ZNF507: variants seen among roughly 807,000 people sequenced by gnomAD.
The protein encoded by ZNF507 is zinc finger protein 507.
Under a neutral mutation model 80.0 loss-of-function variants are expected in ZNF507, and 29 were observed. That is an observed-to-expected ratio of 0.36 (90% confidence interval 0.27 to 0.49). The LOEUF (loss-of-function observed/expected upper bound fraction) is 0.49, where lower values mean the gene tolerates loss of function less well. Among genes scored for constraint, ZNF507 ranks in the 20% least tolerant of loss-of-function variants. The pLI is 0.98. For synonymous variants in ZNF507, 462 were observed against 422.5 expected (o/e 1.09, Z -1.15); for missense variants, 1,081 against 1,152.2 (o/e 0.94, Z 0.90).
chr19:32,353,782 A>C lies in ZNF507; in HGVS notation c.952A>C (p.Asn318His). The change falls in exon 3 of 7, where the codon AAT (asparagine) becomes CAT (histidine). Residue 318 changes from asparagine (N) to histidine (H), a missense_variant. This residue lies in a region of ZNF507 where 614 missense variants were observed against 583.9 expected (regional missense o/e 1.05). Coordinates refer to ENST00000355898, the MANE Select transcript of ZNF507 (RefSeq NM_001136156.2). ...TGGAGAGAGTGAACTGAGTATCCAC[A>C]ATGGGCCATCAGTGCAAGTGCAGAT... ...AIGESELSIH[N>H]GPSVQVQICS... 6.2e-7 allele frequency: 1 copy of C among 1,614,216 alleles called. No homozygotes were observed.
intron 4 of ZNF507, chr19:32,359,702 C>T (rs904304877): frequency 6.6e-6 from 1 of 152,196 alleles, no homozygotes; most frequent in Non-Finnish European, 1.5e-5. Context: ...ATGTCTCCTG[C>T]GTTTCGGAGA....
intron 5 of ZNF507, among the ~76,000 whole-genome samples, chr19:32,376,940 C>T (rs1268415283): frequency 1.3e-5 from 2 of 152,078 alleles, no homozygotes; most frequent in South Asian, 2.1e-4. Context: ...ACAGCTTACG[C>T]CATTATTTCT....
At chr19:32,351,978 A>G (rs1967174836) in intron 2 of ZNF507, among the ~76,000 whole-genome samples, 1 of 152,144 alleles carries the variant, frequency 6.6e-6, no homozygotes, top group African/African-American at 2.4e-5. Context: ...GAACGAACAA[A>G]TAACCTCTTC....
rs189633605 is a variant in ZNF507, at chr19:32,354,999, C to G, written c.2127+42C>G. 311 of 1,503,990 alleles carry G rather than the reference C, an allele frequency of 2.1e-4. No individual in the cohort carries two copies. In the African/African-American group the frequency reaches 3.0e-3, roughly 14 times the overall value. 93.2% of individuals were successfully genotyped at this position (1,503,990 alleles called of 1,614,324 possible). On this transcript the variant is annotated intron_variant, in intron 3 of 6. Coordinates refer to ENST00000355898, the MANE Select transcript of ZNF507 (RefSeq NM_001136156.2). Reference sequence around the variant, plus strand: ...GAAGTCTTTCAGAGGACCTTCGCATCTTAGAGTGAGAAGGGAACTTTGTAG... The same window carrying G: ...GAAGTCTTTCAGAGGACCTTCGCATGTTAGAGTGAGAAGGGAACTTTGTAG...
At chr19:32,379,147 T>G (rs951617661) in intron 5 of ZNF507, among the ~76,000 whole-genome samples, 1 of 152,166 alleles carries the variant, frequency 6.6e-6, no homozygotes, top group African/African-American at 2.4e-5. Flanking sequence ...CGTGTGACAG[T>G]CACAGATACA....
chr19:32,376,927 G>A (rs1415207430), intron 5 of ZNF507, among the ~76,000 whole-genome samples: 2 of 152,136 alleles, frequency 1.3e-5, no homozygotes, highest in East Asian at 3.9e-4. Context: ...GAGAGAGAGA[G>A]AGACAGCTTA....
chr19:32,365,115 T>G (rs1448117050), intron 5 of ZNF507, among the ~76,000 whole-genome samples: 1 of 152,244 alleles, frequency 6.6e-6, no homozygotes, highest in Non-Finnish European at 1.5e-5. Flanking sequence ...TTTTTTCATA[T>G]GTTTGTTGGC....
In ZNF507 at chr19:32,352,775, G is replaced by T. The variant is rs996469711; in HGVS notation, c.-2-54G>T. On this transcript the variant is annotated intron_variant, in intron 2 of 6. Transcript: ENST00000355898. ...TTCTCTTATATTTTCCAAATTACAT[G>T]CCTGTAATTATCCTGTAACCTGGTA... 6 of 1,461,340 alleles carry T rather than the reference G, an allele frequency of 4.1e-6. No homozygotes were observed. The African/African-American group carries it at 4.3e-5, about 10-fold the overall frequency. 90.5% of individuals were successfully genotyped at this position (1,461,340 alleles called of 1,614,324 possible).
At position 32,353,378 on chromosome 19, in the gene ZNF507, A is replaced by G. The variant is rs1203030629; in HGVS notation, c.548A>G (p.Asn183Ser). 34 of 1,614,128 alleles carry G rather than the reference A, an allele frequency of 2.1e-5. No homozygotes were observed. Among genetic ancestry groups the G allele is most frequent in the Non-Finnish European group, 2.5e-5 (29 of 1,180,056 alleles). The stretch of plus-strand genomic sequence containing the variant: ...GTGAATGACCATGACAATGATGCCA[A>G]TATCCACACCCAATCCAAAGCCCAA... Reference protein sequence around the residue: ...HVVNDHDNDANIHTQSKAQQC... With the variant: ...HVVNDHDNDASIHTQSKAQQC... Residue 183 changes from asparagine (N) to serine (S), a missense_variant, in exon 3 of 7, where the codon AAT (asparagine) becomes AGT (serine). Around this residue, in one of 6 missense-constraint regions of ZNF507, gnomAD observed 275 missense variants for 303.9 expected, o/e 0.90. Transcript: ENST00000355898.
At chr19:32,371,245 C>G (rs1418926435) in intron 5 of ZNF507, among the ~76,000 whole-genome samples, 3 of 151,970 alleles carry the variant, frequency 2.0e-5, no homozygotes, top group Admixed American at 6.6e-5. Context: ...GAGGCTGAGG[C>G]GGGTGGATCA....
chr19:32,371,848 C>T (rs1333951069), intron 5 of ZNF507, among the ~76,000 whole-genome samples: 4 of 151,832 alleles, frequency 2.6e-5, no homozygotes, highest in Non-Finnish European at 5.9e-5. Flanking sequence ...ACCGTGTTAG[C>T]CAGGATGGTC....
chr19:32,374,868 G>C (rs1484140735), intron 5 of ZNF507, among the ~76,000 whole-genome samples: 1 of 152,152 alleles, frequency 6.6e-6, no homozygotes, highest in Non-Finnish European at 1.5e-5. Context: ...AAATGTCCTT[G>C]TTCTGTTCTT....
rs1162217438 is a variant in ZNF507 at position 32,386,476 on chromosome 19, AC to A, written c.*3394del. 7 of 152,672 alleles carry A rather than the reference AC, an allele frequency of 4.6e-5. No homozygotes were observed. The highest frequency in any genetic ancestry group is 1.5e-5 in the Non-Finnish European group (1 of 68,046). The allele number at this position is 152,672 out of a possible 1,614,324, so 9.5% of individuals were successfully genotyped here. On this transcript the variant is annotated 3_prime_UTR_variant, in exon 7 of 7. Coordinates refer to ENST00000355898, the MANE Select transcript of ZNF507 (RefSeq NM_001136156.2). ...GCGTTTGATATTCATGAACATGAAT[AC>A]ATGTATTTTTTTAAGAAATAAGTAT...
chr19:32,374,190 T>TCA (rs1967514405), intron 5 of ZNF507, among the ~76,000 whole-genome samples: 1 of 41,684 alleles, frequency 2.4e-5, no homozygotes, highest in African/African-American at 1.5e-4. Context: ...ACACACACAC[T>TCA]CTCTCTCTCT....
rs567993217 is a variant in ZNF507, at chr19:32,356,502, A to G, written c.2128-114A>G. ...ATCCTTTAGCAGACTTGATTTTAAA[A>G]TATGGTAATTCGTTGTACTAGGCCA... On this transcript the variant is annotated intron_variant, in intron 3 of 6. Coordinates refer to ENST00000355898, the MANE Select transcript of ZNF507 (RefSeq NM_001136156.2). The G allele has an allele frequency of 1.2e-4, 81 of 674,062 alleles. No individual in the cohort carries two copies. In the Admixed American group the frequency reaches 2.0e-3, roughly 17 times the overall value. The allele number at this position is 674,062 out of a possible 1,614,324, so 41.8% of individuals were successfully genotyped here.
chr19:32,382,031 A>G (rs1296513974), intron 5 of ZNF507: 4 of 153,186 alleles, frequency 2.6e-5, no homozygotes, highest in Non-Finnish European at 5.8e-5. Flanking sequence ...TTGTGGATCT[A>G]TAAAGAATGC....
At chr19:32,356,577 A>G (rs1204174044) in intron 3 of ZNF507, 39 bp from the exon 4 acceptor site, 6 of 1,449,120 alleles carry the variant, frequency 4.1e-6, no homozygotes, top group South Asian at 1.1e-5. Flanking sequence ...TTGGACATGT[A>G]TATTTATTGA....
chr19:32,356,300 ACT>A (rs1383604515), intron 3 of ZNF507, among the ~76,000 whole-genome samples: 2 of 152,076 alleles, frequency 1.3e-5, no homozygotes, highest in Non-Finnish European at 2.9e-5. Flanking sequence ...TATTCTGAAC[ACT>A]CTGCTCGTTC....
intron 5 of ZNF507, among the ~76,000 whole-genome samples, chr19:32,370,164 A>G (rs1295678130): frequency 2.6e-5 from 4 of 152,208 alleles, no homozygotes; most frequent in Non-Finnish European, 5.9e-5. Flanking sequence ...GTCAGTGGAC[A>G]CTTAGGTTGT....
Sources: gnomAD v4.1 joint callset for allele counts (sites outside exome capture counted in the v4.1 genomes callset) on GRCh38, gnomAD v4.1.1 for gene constraint, gnomAD v4.1.1 regional missense constraint, MANE v1.5 for transcripts, NCBI Gene and HGNC (gene_info 2026-07-23, HGNC 2026-07-21) for gene names.